The following PTPRE variants were observed in gnomAD, a reference collection of about 807,000 sequenced individuals.
PTPRE encodes receptor-type tyrosine-protein phosphatase epsilon.
Under a neutral mutation model 102.0 loss-of-function variants are expected in PTPRE, and 51 were observed. That is an observed-to-expected ratio of 0.50 (90% CI 0.40 to 0.63). PTPRE has a LOEUF of 0.63. PTPRE is among the 30% of genes least tolerant of loss of function. The pLI is 0.00. For missense variants in PTPRE, 752 were observed against 915.1 expected (o/e 0.82, Z 2.30); for synonymous variants, 345 against 348.2 (o/e 0.99, Z 0.10).
chr10:128,014,712 C>A (rs1845281589), intron 2 of PTPRE, among the ~76,000 whole-genome samples: 1 of 152,114 alleles, frequency 6.6e-6, no homozygotes, highest in African/African-American at 2.4e-5. Flanking sequence ...AATCCCCCAT[C>A]CCCCGTCTCA....
intron 1 of PTPRE, among the ~76,000 whole-genome samples, chr10:127,932,810 CCT>C (rs562406801): frequency 6.3e-4 from 96 of 152,286 alleles, no homozygotes; most frequent in South Asian, 2.7e-3. Flanking sequence ...GGGTCATGTG[CCT>C]TTCCAGAGGC....
intron 2 of PTPRE, among the ~76,000 whole-genome samples, chr10:128,007,816 C>T (rs939254340): frequency 3.3e-5 from 5 of 152,206 alleles, no homozygotes; most frequent in African/African-American, 9.6e-5. Flanking sequence ...GTAGAGAAAG[C>T]GCCATGAAGA....
chr10:127,969,835 G>A (rs887049083), intron 1 of PTPRE, among the ~76,000 whole-genome samples: 2 of 152,156 alleles, frequency 1.3e-5, no homozygotes, highest in East Asian at 1.9e-4. Flanking sequence ...ATGCTGGCAC[G>A]TGCCTCCGGC....
chr10:128,027,705 G>T (rs1310464008), intron 2 of PTPRE, among the ~76,000 whole-genome samples: 2 of 152,204 alleles, frequency 1.3e-5, no homozygotes, highest in Admixed American at 1.3e-4. Flanking sequence ...ATTTCTCCGT[G>T]CATGAATGGA....
intron 2 of PTPRE, among the ~76,000 whole-genome samples, chr10:127,995,466 TG>T (rs1049997644): frequency 2.3e-4 from 35 of 151,708 alleles, no homozygotes; most frequent in African/African-American, 8.2e-4. Flanking sequence ...GGAGGAGGAG[TG>T]GGATCTGGAT....
intron 1 of PTPRE, among the ~76,000 whole-genome samples, chr10:127,961,202 A>G (rs554262318): frequency 6.6e-6 from 1 of 152,234 alleles, no homozygotes; most frequent in East Asian, 1.9e-4. Flanking sequence ...AGAAGTACTT[A>G]TTTCAGACCA....
At chr10:128,006,902 C>A (rs1179254840) in intron 2 of PTPRE, among the ~76,000 whole-genome samples, 2 of 152,156 alleles carry the variant, frequency 1.3e-5, no homozygotes, top group Non-Finnish European at 2.9e-5. Flanking sequence ...TAAAATGATA[C>A]TCTTTGCTCA....
intron 1 of PTPRE, among the ~76,000 whole-genome samples, chr10:127,911,673 G>A (rs773292720): frequency 4.6e-5 from 7 of 152,154 alleles, no homozygotes; most frequent in South Asian, 4.1e-4. Flanking sequence ...TGCTGACTCC[G>A]TACAAGGCTG....
intron 1 of PTPRE, among the ~76,000 whole-genome samples, chr10:127,936,863 G>A (rs1435107175): frequency 6.6e-6 from 1 of 152,146 alleles, no homozygotes; most frequent in Non-Finnish European, 1.5e-5. Flanking sequence ...GGTCTAGTTG[G>A]CAAGTAGCTG....
At position 128,076,595 on chromosome 10, in the gene PTPRE, C is replaced by T. The variant is rs1851227333; in HGVS notation, c.1600-8C>T. ...TACAAGACTTAAATTTTTATTTTAT[C>T]CCCTAAGGATAAATGCTACCAGTAT... On this transcript the variant is annotated splice_polypyrimidine_tract_variant and splice_region_variant and intron_variant, in intron 17 of 20. Coordinates refer to ENST00000254667, the MANE Select transcript of PTPRE (RefSeq NM_006504.6). 8 of 1,561,972 alleles carry T rather than the reference C, an allele frequency of 5.1e-6. No homozygotes were observed. The highest frequency in any genetic ancestry group is 6.0e-6 in the Non-Finnish European group (7 of 1,163,306).
intron 2 of PTPRE, among the ~76,000 whole-genome samples, chr10:127,996,444 T>C (rs550159169): frequency 6.6e-6 from 1 of 152,236 alleles, no homozygotes; most frequent in Non-Finnish European, 1.5e-5. Context: ...AGAATCATAC[T>C]GTGTACATGC....
At chr10:128,015,037 A>G (rs1015234846) in intron 2 of PTPRE, among the ~76,000 whole-genome samples, 7 of 152,150 alleles carry the variant, frequency 4.6e-5, no homozygotes, top group African/African-American at 1.7e-4. Context: ...TCTGATTCTA[A>G]ATATTTCAAA....
At chr10:127,927,621 G>A (rs1349215625) in intron 1 of PTPRE, among the ~76,000 whole-genome samples, 1 of 152,210 alleles carries the variant, frequency 6.6e-6, no homozygotes, top group Admixed American at 6.5e-5. Flanking sequence ...TCCTCATGGA[G>A]AGGAGCCTTC....
intron 2 of PTPRE, among the ~76,000 whole-genome samples, chr10:128,017,165 C>T (rs184485581): frequency 3.2e-4 from 48 of 152,206 alleles, no homozygotes; most frequent in Admixed American, 5.2e-4. Flanking sequence ...GAGGGCAGTT[C>T]GGTGGCCTGG....
chr10:127,955,135 C>G (rs944251146), intron 1 of PTPRE, among the ~76,000 whole-genome samples: 15 of 152,218 alleles, frequency 9.9e-5, no homozygotes, highest in Non-Finnish European at 2.1e-4. Context: ...CCTCTTAGTA[C>G]TACCATACCC....
chr10:128,069,696 G>T lies in PTPRE; in HGVS notation c.1012G>T (p.Gly338Cys). 1.2e-6 allele frequency: 2 copies of T among 1,614,194 alleles called. No homozygotes were observed. The highest frequency in any genetic ancestry group is 1.7e-6 in the Non-Finnish European group (2 of 1,180,032). The part of the protein sequence containing the change: ...AGPIVVHCSA[G>C]VGRTGTFIVI... Reference sequence around the variant, plus strand: ...CATCTTTCTCTTTCCCCAAAGCGCGGGCGTGGGCCGGACGGGCACCTTCAT... The same window carrying T: ...CATCTTTCTCTTTCCCCAAAGCGCGTGCGTGGGCCGGACGGGCACCTTCAT... Residue 338 changes from glycine to cysteine, a missense_variant, in exon 13 of 21, where the codon GGC (glycine) becomes TGC (cysteine). Gly to Cys is a radical substitution (Grantham distance 159). Coordinates refer to ENST00000254667, the MANE Select transcript of PTPRE (RefSeq NM_006504.6).
chr10:127,976,949 A>G (rs1015384449), intron 1 of PTPRE, among the ~76,000 whole-genome samples: 2 of 152,260 alleles, frequency 1.3e-5, no homozygotes, highest in African/African-American at 2.4e-5. Flanking sequence ...ATGCAGAGAC[A>G]GCCGCAGGGG....
chr10:128,054,348 T>A (rs1848784870), intron 6 of PTPRE, among the ~76,000 whole-genome samples: 1 of 152,044 alleles, frequency 6.6e-6, no homozygotes, highest in Non-Finnish European at 1.5e-5. Flanking sequence ...CCCGTGTATT[T>A]TCAGTGCTGG....
intron 1 of PTPRE, among the ~76,000 whole-genome samples, chr10:127,912,057 G>T (rs1845903372): frequency 6.6e-6 from 1 of 152,112 alleles, no homozygotes; most frequent in Non-Finnish European, 1.5e-5. Context: ...CCTGGTTTGG[G>T]GATTATGAAG....
Sources: gnomAD v4.1 joint callset for allele counts (sites outside exome capture counted in the v4.1 genomes callset) on GRCh38, gnomAD v4.1.1 for gene constraint, MANE v1.5 for transcripts, NCBI Gene and HGNC (gene_info 2026-07-23, HGNC 2026-07-21) for gene names.